Variants in SLC26A7 observed in about 807,000 individuals in gnomAD.
The protein encoded by SLC26A7 is solute carrier family 26 member 7.
In SLC26A7, 59 loss-of-function variants were observed where a neutral mutation model predicts 82.5. The ratio of observed to expected loss-of-function variants is 0.72; its 90% CI spans 0.58 to 0.89. The LOEUF (loss-of-function observed/expected upper bound fraction) is 0.89, where lower values mean the gene tolerates loss of function less well. SLC26A7 is among the 40% of genes least tolerant of loss of function. SLC26A7 has a pLI of 0.00. For missense variants in SLC26A7, 820 were observed against 793.0 expected (o/e 1.03, Z -0.41); for synonymous variants, 271 against 274.3 (o/e 0.99, Z 0.12).
chr8:91,233,694 A>G (rs1482360591), intron 2 of SLC26A7, among the ~76,000 whole-genome samples: 1 of 152,242 alleles, frequency 6.6e-6, no homozygotes, highest in Non-Finnish European at 1.5e-5. Context: ...AAAGGCCCCA[A>G]GCAACTTGTC....
Position 91,395,187 on chromosome 8 carries a change from A to C in SLC26A7, c.*90A>C, listed in dbSNP as rs2130912142. The C allele has an allele frequency of 3.1e-6, 5 of 1,594,632 alleles. No homozygotes were observed. The African/African-American group carries it at 5.4e-5, about 17-fold the overall frequency. On this transcript the variant is annotated 3_prime_UTR_variant, in exon 19 of 19. Transcript: ENST00000276609. ...TTTGCACAACTTTTTGGTTGTTTAG[A>C]TCCTACAGATGACCTCTGCTACAAT... is the stretch of plus-strand genomic sequence containing the variant.
intron 5 of SLC26A7, among the ~76,000 whole-genome samples, chr8:91,330,346 G>A (rs1813046087): frequency 6.6e-6 from 1 of 152,034 alleles, no homozygotes; most frequent in African/African-American, 2.4e-5. Flanking sequence ...TTTGATCCTT[G>A]GGCCAGATGG....
At chr8:91,225,753 A>G (rs529311802) in intron 2 of SLC26A7, among the ~76,000 whole-genome samples, 50 of 135,022 alleles carry the variant, frequency 3.7e-4, no homozygotes, top group Non-Finnish European at 6.7e-4. Flanking sequence ...CCATCCATCT[A>G]TCTCAGGTGA....
intron 16 of SLC26A7, 130 bp downstream of exon 16, chr8:91,389,568 A>G (rs528230060): frequency 4.2e-6 from 3 of 713,964 alleles, no homozygotes; most frequent in East Asian, 2.5e-5. Flanking sequence ...TTTACAAAGG[A>G]CGTAGAACTT....
chr8:91,310,780 C>T (rs1421122560), intron 4 of SLC26A7, among the ~76,000 whole-genome samples: 3 of 152,092 alleles, frequency 2.0e-5, no homozygotes, highest in African/African-American at 7.2e-5. Flanking sequence ...GCAGACAGCC[C>T]ACTCCAAGGG....
At position 91,310,246 on chromosome 8, in the gene SLC26A7, G is replaced by A. The variant is rs528538884; in HGVS notation, c.478-7970G>A. On this transcript the variant is annotated intron_variant, in intron 4 of 18. Coordinates refer to ENST00000276609, the MANE Select transcript of SLC26A7 (RefSeq NM_052832.4). ...TACTATAACATTTCCGCCAACAGGC[G>A]TCAAAGACCCCAATTTTTTTGGAGA... 4.6e-5 allele frequency among the ~76,000 whole-genome samples: 7 copies of A among 152,248 alleles called. No homozygotes were observed. The East Asian group carries it at 5.8e-4, about 13-fold the overall frequency.
At chr8:91,328,587 G>C (rs1167425328) in intron 5 of SLC26A7, among the ~76,000 whole-genome samples, 5 of 152,006 alleles carry the variant, frequency 3.3e-5, no homozygotes, top group African/African-American at 1.2e-4. Flanking sequence ...CAGACTTATT[G>C]TTACTATTAC....
intron 6 of SLC26A7, among the ~76,000 whole-genome samples, chr8:91,337,658 A>T (rs992428257): frequency 6.6e-6 from 1 of 152,204 alleles, no homozygotes; most frequent in Non-Finnish European, 1.5e-5. Context: ...AAAAGCTAAA[A>T]ATTTGAAAAT....
chr8:91,332,326 TTATA>T (rs1191005693), intron 5 of SLC26A7, among the ~76,000 whole-genome samples: 2 of 142,772 alleles, frequency 1.4e-5, no homozygotes, highest in African/African-American at 5.1e-5. Flanking sequence ...ATTATATAAT[TTATA>T]TATTATATAT....
At chr8:91,377,602 A>G (rs994058517) in intron 15 of SLC26A7, among the ~76,000 whole-genome samples, 2 of 152,178 alleles carry the variant, frequency 1.3e-5, no homozygotes, top group Non-Finnish European at 2.9e-5. Context: ...GAGGGCACAC[A>G]TGTGTGAGCT....
intron 2 of SLC26A7, among the ~76,000 whole-genome samples, chr8:91,284,638 T>A (rs1464451609): frequency 1.3e-5 from 2 of 152,194 alleles, no homozygotes; most frequent in African/African-American, 4.8e-5. Flanking sequence ...GTACCATGTA[T>A]AGCAGAGATT....
At chr8:91,291,793 A>T (rs1232757646) in intron 3 of SLC26A7, among the ~76,000 whole-genome samples, 1 of 152,242 alleles carries the variant, frequency 6.6e-6, no homozygotes, top group East Asian at 1.9e-4. Context: ...GATAAATAAT[A>T]TGCATTTCAA....
At chr8:91,338,026 A>G in intron 6 of SLC26A7, 124 bp from the exon 7 acceptor site, 1 of 513,550 alleles carries the variant, frequency 1.9e-6, no homozygotes, top group South Asian at 4.9e-5. Flanking sequence ...AGTCTGTGCA[A>G]CTGCTAGATT....
intron 3 of SLC26A7, among the ~76,000 whole-genome samples, chr8:91,292,630 A>C (rs1001655273): frequency 1.3e-5 from 2 of 152,178 alleles, no homozygotes; most frequent in South Asian, 4.1e-4. Flanking sequence ...ATTATGTTAG[A>C]GGCATCTTTA....
intron 5 of SLC26A7, among the ~76,000 whole-genome samples, chr8:91,318,870 C>T (rs1812714768): frequency 6.6e-6 from 1 of 152,178 alleles, no homozygotes; most frequent in African/African-American, 2.4e-5. Flanking sequence ...CCATTTGCAA[C>T]ATATTTTTCT....
At position 91,316,451 on chromosome 8, in the gene SLC26A7, ATTTTTTTTTTTTTTTTTTTTT is replaced by A. The variant is rs58981485; in HGVS notation, c.478-1746_478-1726del. On this transcript the variant is annotated intron_variant, in intron 4 of 18. Transcript: ENST00000276609. Reference sequence around the variant, plus strand: ...GAACTCGCTGCCACACTCAACACTAATTTTTTTTTTTTTTTTTTTTTTTTTTTTTTTTTTTTTTTAGGAGAC... The same window carrying A: ...GAACTCGCTGCCACACTCAACACTAATTTTTTTTTTTTTTTTTTAGGAGAC... Among the ~76,000 whole-genome samples, 155 of 34,424 alleles carry A rather than the reference ATTTTTTTTTTTTTTTTTTTTT, an allele frequency of 4.5e-3. 2 individuals carry two copies. The highest frequency in any genetic ancestry group is 0.016 in the African/African-American group (144 of 8,986). The allele number at this position is 34,424 out of a possible 152,430, so 22.6% of individuals were successfully genotyped here. A position where few individuals can be genotyped will look rare whatever the true frequency, so the allele number is the denominator to read the frequency against.
chr8:91,233,177 A>C (rs1810332238), intron 2 of SLC26A7, among the ~76,000 whole-genome samples: 1 of 152,214 alleles, frequency 6.6e-6, no homozygotes, highest in Non-Finnish European at 1.5e-5. Context: ...CATTGGATTG[A>C]GGCTTGCAAT....
At chr8:91,280,787 C>A (rs4130450) in intron 2 of SLC26A7, among the ~76,000 whole-genome samples, 104,952 of 152,088 alleles carry the variant, frequency 0.69, 36,799 homozygotes, top group Non-Finnish European at 0.76. Flanking sequence ...AGTCAGCCAC[C>A]TTTGGCCCTG....
At chr8:91,226,832 A>G (rs1810246002) in intron 2 of SLC26A7, among the ~76,000 whole-genome samples, 2 of 152,254 alleles carry the variant, frequency 1.3e-5, no homozygotes, top group African/African-American at 4.8e-5. Context: ...TGAATGAGTG[A>G]GTCCTATGGA....
Sources: gnomAD v4.1 joint callset for allele counts (sites outside exome capture counted in the v4.1 genomes callset) on GRCh38, gnomAD v4.1.1 for gene constraint, MANE v1.5 for transcripts, NCBI Gene and HGNC (gene_info 2026-07-23, HGNC 2026-07-21) for gene names.